Variants in PCDH7 observed in about 807,000 individuals in gnomAD.
PCDH7 encodes the protein protocadherin-7.
PCDH7 carries 17 observed loss-of-function variants against 58.9 expected under a neutral mutation model. That is an observed-to-expected ratio of 0.29 (90% CI 0.20 to 0.43). PCDH7 has a LOEUF of 0.43. Ranked by LOEUF, PCDH7 falls within the 20% of genes least tolerant of loss-of-function variation. The pLI is 1.00. For synonymous variants in PCDH7, 664 were observed against 616.4 expected, an observed-to-expected ratio of 1.08 and a Z score of -1.14; for missense variants, 1,274 against 1,441.0, an observed-to-expected ratio of 0.88 and a Z score of 1.88.
At chr4:31,014,763 A>T (rs547992104) in intron 3 of PCDH7, among the ~76,000 whole-genome samples, 3 of 152,338 alleles carry the variant, frequency 2.0e-5, no homozygotes, top group South Asian at 4.1e-4. Context: ...ATGATCTCTT[A>T]GAATTGGAGT....
intron 3 of PCDH7, among the ~76,000 whole-genome samples, chr4:31,056,619 A>C (rs182279537): frequency 1.0e-4 from 15 of 146,908 alleles, no homozygotes; most frequent in Non-Finnish European, 2.1e-4. Context: ...GAGAGAGTGA[A>C]AGACAGAGAG....
intron 1 of PCDH7, among the ~76,000 whole-genome samples, chr4:30,868,757 G>A (rs1384675470): frequency 6.6e-6 from 1 of 152,024 alleles, no homozygotes; most frequent in Admixed American, 6.6e-5. Context: ...TTACTGAAGA[G>A]CCCATCCAAA....
At chr4:30,781,147 C>T (rs1722725570) in intron 1 of PCDH7, among the ~76,000 whole-genome samples, 1 of 151,926 alleles carries the variant, frequency 6.6e-6, no homozygotes, top group Non-Finnish European at 1.5e-5. Flanking sequence ...CTAATGAATC[C>T]TGGGATTCCA....
At chr4:31,107,713 A>G (rs1715754296) in intron 3 of PCDH7, among the ~76,000 whole-genome samples, 1 of 152,124 alleles carries the variant, frequency 6.6e-6, no homozygotes, top group Non-Finnish European at 1.5e-5. Flanking sequence ...CACAGTTCTT[A>G]GTTGGGAGAA....
intron 3 of PCDH7, among the ~76,000 whole-genome samples, chr4:30,963,841 A>G (rs774410495): frequency 1.3e-5 from 2 of 152,212 alleles, no homozygotes; most frequent in Non-Finnish European, 2.9e-5. Context: ...TCTAAGAACA[A>G]GACTGAATTC....
At chr4:30,985,924 C>A (rs994623072) in intron 3 of PCDH7, among the ~76,000 whole-genome samples, 2 of 152,046 alleles carry the variant, frequency 1.3e-5, no homozygotes, top group Non-Finnish European at 2.9e-5. Flanking sequence ...AAAATAACAA[C>A]AATAACAACA....
chr4:30,888,174 G>A (rs34410526), intron 1 of PCDH7, among the ~76,000 whole-genome samples: 35,336 of 151,852 alleles, frequency 0.23, 4,199 homozygotes, highest in Middle Eastern at 0.27. Flanking sequence ...GTGCCCAGCC[G>A]GCCCATTTCT....
chr4:30,954,211 C>T (rs1247118051), intron 3 of PCDH7, among the ~76,000 whole-genome samples: 1 of 152,084 alleles, frequency 6.6e-6, no homozygotes, highest in Non-Finnish European at 1.5e-5. Flanking sequence ...TGGCCTTTTC[C>T]AGAACTAGGA....
At position 30,722,112 on chromosome 4, in the gene PCDH7, G is replaced by GGGC. The variant is rs1311400733; in HGVS notation, c.700_702dup (p.Gly234dup). 2 of 1,422,218 alleles carry GGGC rather than the reference G, an allele frequency of 1.4e-6. No individual in the cohort carries two copies. Among genetic ancestry groups the GGGC allele is most frequent in the Non-Finnish European group, 1.8e-6 (2 of 1,094,522 alleles). The allele number at this position is 1,422,218 out of a possible 1,614,324, so 88.1% of individuals were successfully genotyped here. A position where few individuals can be genotyped will look rare whatever the true frequency, so the allele number is the denominator to read the frequency against. ...CCAAGCGGCGGCTGGACGCATCAGA[G>GGGC]GGCGGCGGCGGCACCAACCCCGGCG... On this transcript the variant is annotated inframe_insertion, in exon 1 of 2. Transcript: ENST00000361762. The surrounding 1 kb of genome is among the most constrained non-coding windows in gnomAD (Gnocchi z 7.6).
intron 1 of PCDH7, among the ~76,000 whole-genome samples, chr4:30,754,338 G>A (rs112635980): frequency 3.3e-5 from 5 of 152,000 alleles, no homozygotes; most frequent in African/African-American, 7.3e-5. Context: ...AAGAAAAGAG[G>A]TTGTTATAAT....
At chr4:31,000,216 A>G (rs1752252109) in intron 3 of PCDH7, among the ~76,000 whole-genome samples, 1 of 152,148 alleles carries the variant, frequency 6.6e-6, no homozygotes, top group Non-Finnish European at 1.5e-5. Flanking sequence ...TATGGAAATC[A>G]GTAGTAGGGT....
At chr4:30,995,380 C>T (rs113001532) in intron 3 of PCDH7, among the ~76,000 whole-genome samples, 7 of 151,884 alleles carry the variant, frequency 4.6e-5, no homozygotes, top group Non-Finnish European at 7.4e-5. Flanking sequence ...GGCGTGGTGG[C>T]GGGCGCCTGT....
chr4:31,090,081 A>T (rs1360616052), intron 3 of PCDH7, among the ~76,000 whole-genome samples: 1 of 152,070 alleles, frequency 6.6e-6, no homozygotes, highest in Non-Finnish European at 1.5e-5. Context: ...TTCGGTGGCC[A>T]AATGCCAAGT....
intron 1 of PCDH7, among the ~76,000 whole-genome samples, chr4:30,759,992 G>T (rs1251395889): frequency 1.3e-5 from 2 of 151,824 alleles, no homozygotes; most frequent in Non-Finnish European, 2.9e-5. Flanking sequence ...TTTCAAAATA[G>T]TGGCACCTCC....
At chr4:31,025,597 G>A (rs541753952) in intron 3 of PCDH7, among the ~76,000 whole-genome samples, 15 of 152,284 alleles carry the variant, frequency 9.9e-5, no homozygotes, top group Middle Eastern at 3.4e-3. Flanking sequence ...CATGAAGAAA[G>A]AAATGTTTCC....
At chr4:30,986,708 C>T (rs903958319) in intron 3 of PCDH7, among the ~76,000 whole-genome samples, 2 of 151,974 alleles carry the variant, frequency 1.3e-5, no homozygotes, top group African/African-American at 4.8e-5. Context: ...ATTGGCCGGT[C>T]GCGGTGGCTC....
chr4:31,064,346 G>T (rs1036762967), intron 3 of PCDH7, among the ~76,000 whole-genome samples: 1 of 151,922 alleles, frequency 6.6e-6, no homozygotes, highest in Non-Finnish European at 1.5e-5. Flanking sequence ...TTGTCATTGT[G>T]TTCTATGTGT....
chr4:31,016,542 T>G (rs947348306), intron 3 of PCDH7, among the ~76,000 whole-genome samples: 26 of 152,078 alleles, frequency 1.7e-4, no homozygotes, highest in Admixed American at 1.6e-3. Context: ...ACAGTGGGAT[T>G]GGTGCTCTTG....
At chr4:30,768,195 G>A (rs1274630660) in intron 1 of PCDH7, among the ~76,000 whole-genome samples, 1 of 149,932 alleles carries the variant, frequency 6.7e-6, no homozygotes, top group African/African-American at 2.5e-5. Flanking sequence ...AGCCTTTAAA[G>A]ATCTAGCAGT....
Sources: gnomAD v4.1 joint callset for allele counts (sites outside exome capture counted in the v4.1 genomes callset) on GRCh38, gnomAD v4.1.1 for gene constraint, Gnocchi (gnomAD v3.1) non-coding constraint, MANE v1.5 for transcripts, NCBI Gene and HGNC (gene_info 2026-07-23, HGNC 2026-07-21) for gene names.